Variants in PTPRN2 observed in about 807,000 individuals in gnomAD.
The protein encoded by PTPRN2 is receptor-type tyrosine-protein phosphatase N2.
PTPRN2 carries 74 observed loss-of-function variants against 118.8 expected under a neutral mutation model. That is an observed-to-expected ratio of 0.62 (90% CI 0.52 to 0.76). The LOEUF is 0.76. PTPRN2 is among the 30% of genes least tolerant of loss of function. The pLI, the probability that PTPRN2 is intolerant of heterozygous loss-of-function variation, is 0.00. For synonymous variants in PTPRN2, 641 were observed against 608.0 expected, an observed-to-expected ratio of 1.05 and a Z score of -0.80; for missense variants, 1,481 against 1,394.4, an observed-to-expected ratio of 1.06 and a Z score of -0.99.
At chr7:158,060,127 C>A (rs545274116) in intron 11 of PTPRN2, among the ~76,000 whole-genome samples, 2 of 110,584 alleles carry the variant, frequency 1.8e-5, no homozygotes, top group East Asian at 5.0e-4. Context: ...ACTCCATCTG[C>A]ACACGGTGAC....
At chr7:158,464,590 T>G (rs2260676) in intron 2 of PTPRN2, among the ~76,000 whole-genome samples, 1 of 145,618 alleles carries the variant, frequency 6.9e-6, no homozygotes, top group African/African-American at 2.6e-5. Context: ...ACCGTCATCA[T>G]CCATACCGTC....
At chr7:157,608,651 A>G (rs1802148678) in intron 15 of PTPRN2, among the ~76,000 whole-genome samples, 1 of 152,104 alleles carries the variant, frequency 6.6e-6, no homozygotes, top group African/African-American at 2.4e-5. Context: ...AGGCCTGTGG[A>G]GGGGTCTTCG....
intron 1 of PTPRN2, among the ~76,000 whole-genome samples, chr7:158,512,302 T>C (rs536229115): frequency 1.3e-5 from 2 of 152,302 alleles, no homozygotes; most frequent in South Asian, 2.1e-4. Context: ...CTACCACACA[T>C]GCATGCAAAG....
At chr7:158,303,634 C>T (rs911807460) in intron 3 of PTPRN2, among the ~76,000 whole-genome samples, 1 of 152,176 alleles carries the variant, frequency 6.6e-6, no homozygotes. Context: ...GTATATAAAA[C>T]AAGCTTCAGA....
chr7:158,023,952 C>T (rs142529788), intron 11 of PTPRN2, among the ~76,000 whole-genome samples: 77 of 151,610 alleles, frequency 5.1e-4, no homozygotes, highest in Middle Eastern at 6.8e-3. Context: ...ACACACATGC[C>T]GGCACACACA....
At chr7:157,564,599 C>T (rs2150501173) in intron 21 of PTPRN2, among the ~76,000 whole-genome samples, 1 of 152,308 alleles carries the variant, frequency 6.6e-6, no homozygotes, top group East Asian at 1.9e-4. Context: ...AAAATACAAA[C>T]AGCCCACTTC....
chr7:158,118,920 C>A (rs1816934535), intron 9 of PTPRN2, among the ~76,000 whole-genome samples: 1 of 152,092 alleles, frequency 6.6e-6, no homozygotes, highest in African/African-American at 2.4e-5. Context: ...CCAGGCTGGT[C>A]TCAAGCTCCT....
chr7:158,330,771 C>A (rs1249499049), intron 2 of PTPRN2, among the ~76,000 whole-genome samples: 48 of 109,112 alleles, frequency 4.4e-4, no homozygotes, highest in African/African-American at 1.5e-3. Flanking sequence ...AGAGCTGACA[C>A]CCGCAGACGT....
At chr7:157,547,367 G>C (rs1256471659) in intron 22 of PTPRN2, among the ~76,000 whole-genome samples, 1 of 152,162 alleles carries the variant, frequency 6.6e-6, no homozygotes, top group Non-Finnish European at 1.5e-5. Context: ...AGCCAGTACA[G>C]GAGGATGGTC....
intron 21 of PTPRN2, among the ~76,000 whole-genome samples, chr7:157,553,338 GCAACCGCC>G (rs562234417): frequency 6.6e-6 from 1 of 152,296 alleles, no homozygotes; most frequent in East Asian, 1.9e-4. Flanking sequence ...TCCCTCACTG[GCAACCGCC>G]CTCCCGAATT....
At chr7:157,684,043 C>A (rs1052804126) in intron 12 of PTPRN2, among the ~76,000 whole-genome samples, 10 of 152,114 alleles carry the variant, frequency 6.6e-5, no homozygotes, top group Admixed American at 6.5e-4. Context: ...ATTCAGCCTC[C>A]CAACTCTTCA....
chr7:157,968,296 G>A (rs1802083496), intron 11 of PTPRN2, among the ~76,000 whole-genome samples: 1 of 120,208 alleles, frequency 8.3e-6, no homozygotes, highest in African/African-American at 2.8e-5. Flanking sequence ...GGAATGCAGA[G>A]CTTTCAGAAT....
At chr7:157,578,225 C>A (rs1800162819) in intron 17 of PTPRN2, 85 bp from the exon 18 acceptor site, 3 of 1,424,590 alleles carry the variant, frequency 2.1e-6, no homozygotes, top group Non-Finnish European at 1.9e-6. Context: ...GAAGCACAGT[C>A]CAAATTTATT....
intron 11 of PTPRN2, among the ~76,000 whole-genome samples, chr7:158,071,081 G>A (rs1457357060): frequency 1.0e-5 from 1 of 97,924 alleles, no homozygotes; most frequent in Admixed American, 9.4e-5. Flanking sequence ...GGTGGTGGAG[G>A]TGCCCGTGGT....
chr7:157,547,992 C>T lies in PTPRN2; in HGVS notation c.2976+954G>A, dbSNP rs116676640. ...GGGCCTGTTGGTCAGTGGTTTGCAT[C>T]GGTGCTGACTTCCTGGGTTTGGTCA... On this transcript the variant is annotated intron_variant, in intron 22 of 22. Transcript: ENST00000389418. 3.8e-3 allele frequency among the ~76,000 whole-genome samples: 574 copies of T among 151,384 alleles called. 5 individuals carry two copies. The highest frequency in any genetic ancestry group is 0.013 in the African/African-American group (543 of 40,674).
chr7:158,514,566 C>T (rs188822716), intron 1 of PTPRN2, among the ~76,000 whole-genome samples: 20 of 152,286 alleles, frequency 1.3e-4, no homozygotes, highest in African/African-American at 4.6e-4. Context: ...GGCGATGCCT[C>T]CCACTGGCAA....
intron 1 of PTPRN2, among the ~76,000 whole-genome samples, chr7:158,550,788 C>T (rs1390324041): frequency 6.6e-6 from 1 of 152,218 alleles, no homozygotes; most frequent in Non-Finnish European, 1.5e-5. Context: ...ATTACCTCGT[C>T]TTTAAGTGCC....
intron 3 of PTPRN2, among the ~76,000 whole-genome samples, chr7:158,277,631 A>G (rs1214749922): frequency 1.3e-5 from 2 of 152,182 alleles, no homozygotes; most frequent in Non-Finnish European, 2.9e-5. Context: ...CTGCTGCACG[A>G]GGTGCACACG....
intron 2 of PTPRN2, among the ~76,000 whole-genome samples, chr7:158,419,479 T>G (rs1815074146): frequency 8.8e-6 from 1 of 113,802 alleles, no homozygotes; most frequent in Non-Finnish European, 2.0e-5. Flanking sequence ...GCACGGGGCC[T>G]CGGGACTCTC....
Sources: gnomAD v4.1 joint callset for allele counts (sites outside exome capture counted in the v4.1 genomes callset) on GRCh38, gnomAD v4.1.1 for gene constraint, MANE v1.5 for transcripts, NCBI Gene and HGNC (gene_info 2026-07-23, HGNC 2026-07-21) for gene names.